Variants in FAM135B observed in about 807,000 individuals in gnomAD.
FAM135B encodes the protein family with sequence similarity 135 member B.
In FAM135B, 43 loss-of-function variants were observed where a neutral mutation model predicts 127.7. The observed-to-expected ratio is 0.34, with a 90% CI of 0.26 to 0.43. The LOEUF (loss-of-function observed/expected upper bound fraction) is 0.43. Among genes scored for constraint, FAM135B ranks in the 20% least tolerant of loss-of-function variants. The probability of loss-of-function intolerance (pLI) is 1.00; values close to 1 mark genes in which losing one functional copy is unlikely to be tolerated. For missense variants in FAM135B, 1,558 were observed against 1,725.6 expected, an observed-to-expected ratio of 0.90 and a Z score of 1.72; for synonymous variants, 670 against 665.1, an observed-to-expected ratio of 1.01 and a Z score of -0.11.
intron 1 of FAM135B, among the ~76,000 whole-genome samples, chr8:138,496,418 A>T (rs1242776830): frequency 2.6e-5 from 4 of 152,048 alleles, no homozygotes; most frequent in Non-Finnish European, 4.4e-5. Context: ...CCTGGGGGGA[A>T]CCCCTCATTA....
intron 1 of FAM135B, among the ~76,000 whole-genome samples, chr8:138,378,783 A>G (rs1395019024): frequency 6.6e-6 from 1 of 152,022 alleles, no homozygotes; most frequent in Non-Finnish European, 1.5e-5. Context: ...CATCCCACAC[A>G]ATGCCAAGTT....
chr8:138,224,024 A>G (rs1199962264), intron 7 of FAM135B, among the ~76,000 whole-genome samples: 2 of 151,664 alleles, frequency 1.3e-5, no homozygotes, highest in Non-Finnish European at 2.9e-5. Flanking sequence ...GAAACTGGGG[A>G]TTACTAGAGG....
intron 1 of FAM135B, among the ~76,000 whole-genome samples, chr8:138,374,940 A>G (rs548081096): frequency 1.3e-5 from 2 of 152,240 alleles, no homozygotes; most frequent in South Asian, 4.1e-4. Context: ...TTTTCCCAAC[A>G]TTTGTTCCAA....
At chr8:138,332,006 A>C (rs1828215401) in intron 2 of FAM135B, among the ~76,000 whole-genome samples, 1 of 152,124 alleles carries the variant, frequency 6.6e-6, no homozygotes, top group Non-Finnish European at 1.5e-5. Context: ...AAATTCCCCA[A>C]ATGAAAAGAC....
chr8:138,363,768 A>C (rs1830579116), intron 2 of FAM135B, among the ~76,000 whole-genome samples: 1 of 152,220 alleles, frequency 6.6e-6, no homozygotes, highest in East Asian at 1.9e-4. Flanking sequence ...TTATGCTTCC[A>C]ACATAGCATC....
intron 1 of FAM135B, among the ~76,000 whole-genome samples, chr8:138,429,146 G>A (rs892337617): frequency 6.6e-6 from 1 of 152,160 alleles, no homozygotes; most frequent in Non-Finnish European, 1.5e-5. Context: ...TCTAGTTGAT[G>A]AGGTCTGGGA....
chr8:138,491,695 G>A (rs1229890129), intron 1 of FAM135B, among the ~76,000 whole-genome samples: 2 of 152,144 alleles, frequency 1.3e-5, no homozygotes, highest in Non-Finnish European at 2.9e-5. Context: ...GTTCAACAGT[G>A]AACTACGTAA....
intron 9 of FAM135B, among the ~76,000 whole-genome samples, chr8:138,180,415 A>G (rs1586700861): frequency 6.6e-6 from 1 of 152,354 alleles, no homozygotes; most frequent in East Asian, 1.9e-4. Context: ...ACACAGCCAT[A>G]GCCACATCCA....
chr8:138,183,484 A>C (rs1265688285), intron 9 of FAM135B, among the ~76,000 whole-genome samples: 1 of 152,160 alleles, frequency 6.6e-6, no homozygotes, highest in African/African-American at 2.4e-5. Context: ...GCATGCTCAC[A>C]GGTCTGCTCA....
At chr8:138,153,454 C>T (rs138676343) in intron 12 of FAM135B, among the ~76,000 whole-genome samples, 4 of 152,230 alleles carry the variant, frequency 2.6e-5, no homozygotes, top group African/African-American at 9.6e-5. Flanking sequence ...ACAGTGAGTG[C>T]AGCCCACGGA....
chr8:138,159,317 C>A (rs146611543), intron 12 of FAM135B, among the ~76,000 whole-genome samples: 17,721 of 142,386 alleles, frequency 0.12, 1,304 homozygotes, highest in Non-Finnish European at 0.15. Context: ...ATGTTTATTG[C>A]GGCACTATTC....
intron 12 of FAM135B, among the ~76,000 whole-genome samples, chr8:138,154,055 C>T (rs904682789): frequency 6.6e-6 from 1 of 152,182 alleles, no homozygotes; most frequent in African/African-American, 2.4e-5. Flanking sequence ...CTGACTGACA[C>T]CTCACACAGC....
chr8:138,455,202 A>G (rs1162845955), intron 1 of FAM135B, among the ~76,000 whole-genome samples: 1 of 152,190 alleles, frequency 6.6e-6, no homozygotes, highest in Non-Finnish European at 1.5e-5. Context: ...AATACTCTGG[A>G]GGTTAAATAT....
intron 1 of FAM135B, chr8:138,440,975 C>T (rs955191871): frequency 6.6e-6 from 1 of 152,164 alleles, no homozygotes; most frequent in Admixed American, 6.5e-5. Context: ...ATACTAAACA[C>T]AGACCTTAAA....
At chr8:138,190,484 C>T (rs1435036488) in intron 9 of FAM135B, among the ~76,000 whole-genome samples, 1 of 152,098 alleles carries the variant, frequency 6.6e-6, no homozygotes, top group Non-Finnish European at 1.5e-5. Context: ...GACAGCAGGC[C>T]CTTGAAAGAA....
chr8:138,262,770 C>T (rs1194209889), intron 4 of FAM135B, among the ~76,000 whole-genome samples: 7 of 151,490 alleles, frequency 4.6e-5, no homozygotes, highest in African/African-American at 7.3e-5. Flanking sequence ...GGCATGGTGG[C>T]GGGCCACTGT....
intron 2 of FAM135B, among the ~76,000 whole-genome samples, chr8:138,363,614 T>G (rs971233152): frequency 3.3e-5 from 5 of 152,194 alleles, no homozygotes; most frequent in Non-Finnish European, 5.9e-5. Flanking sequence ...TGAAGGCATG[T>G]TGACTGTTCG....
intron 1 of FAM135B, among the ~76,000 whole-genome samples, chr8:138,405,601 T>G (rs7842351): frequency 0.4 from 60,319 of 151,534 alleles, 12,488 homozygotes; most frequent in African/African-American, 0.52. Context: ...ATTTTCTTAA[T>G]GCAGTCTATC....
In FAM135B at chr8:138,282,487, AAAAC is replaced by A. The variant is rs1824337852; in HGVS notation, c.158-16649_158-16646del. Among the ~76,000 whole-genome samples the A allele has an allele frequency of 2.0e-5, 3 of 152,346 alleles. 1 individual carries two copies. In the South Asian group the frequency reaches 6.2e-4, roughly 32 times the overall value. ...AAAGATCTTAAAACTTAACAATGAG[AAAAC>A]AAACAACCCAATTAAAAAATGAGCC... On this transcript the variant is annotated intron_variant, in intron 3 of 19. Coordinates refer to ENST00000395297, the MANE Select transcript of FAM135B (RefSeq NM_015912.4).
Sources: allele counts gnomAD v4.1 joint callset (sites outside exome capture counted in the v4.1 genomes callset), GRCh38; gene constraint gnomAD v4.1.1; transcripts MANE v1.5; gene names NCBI Gene and HGNC (gene_info 2026-07-23, HGNC 2026-07-21).